CCDC187: variants seen among roughly 807,000 people sequenced by gnomAD.
CCDC187 encodes the protein coiled-coil domain containing 187.
A neutral mutation model predicts 38.0 loss-of-function variants in CCDC187; 32 were observed. The ratio of observed to expected loss-of-function variants is 0.84; its 90% confidence interval spans 0.64 to 1.13. The LOEUF is 1.13. CCDC187 is among the 50% of genes most tolerant of loss of function. The probability of loss-of-function intolerance (pLI) is 0.00; values close to 1 mark genes in which losing one functional copy is unlikely to be tolerated. For missense variants in CCDC187, 707 were observed against 786.8 expected, an observed-to-expected ratio of 0.90 and a Z score of 1.21; for synonymous variants, 333 against 347.9, an observed-to-expected ratio of 0.96 and a Z score of 0.48.
At chr9:136,293,528 C>CACACAA (rs1160780111) in intron 4 of CCDC187, among the ~76,000 whole-genome samples, 1 of 142,570 alleles carries the variant, frequency 7.0e-6, no homozygotes, top group Non-Finnish European at 1.5e-5. Context: ...CTCACATACA[C>CACACAA]GCTTACACAC....
chr9:136,261,792 G>A (rs983604608), intron 19 of CCDC187, among the ~76,000 whole-genome samples: 2 of 152,348 alleles, frequency 1.3e-5, no homozygotes, highest in Admixed American at 6.5e-5. Flanking sequence ...TTTCTGCTTC[G>A]AGGGGTTCTG....
intron 3 of CCDC187, among the ~76,000 whole-genome samples, chr9:136,298,978 G>A (rs1831604374): frequency 6.6e-6 from 1 of 152,158 alleles, no homozygotes; most frequent in East Asian, 1.9e-4. Flanking sequence ...GCGTGAAAAC[G>A]AGGCTGCCAG....
Position 136,252,671 on chromosome 9 carries a change from C to T in CCDC187, c.*923G>A, listed in dbSNP as rs999506046. On this transcript the variant is annotated 3_prime_UTR_variant, in exon 26 of 26. Coordinates refer to ENST00000638797, the MANE Select transcript of CCDC187 (RefSeq NM_001378188.1). ...ACACAGCTCACAATGACATTGTGGA[C>T]GCCTGTGCACCTCTGTAGTTCCAGA... 27 of 155,020 alleles carry T rather than the reference C, an allele frequency of 1.7e-4. No individual in the cohort carries two copies. Among genetic ancestry groups the T allele is most frequent in the Non-Finnish European group, 3.0e-4 (21 of 69,696 alleles). The allele number at this position is 155,020 out of a possible 1,614,324, so 9.6% of individuals were successfully genotyped here. A position where few individuals can be genotyped will look rare whatever the true frequency, so the allele number is the denominator to read the frequency against.
In CCDC187 at chr9:136,276,712, G is replaced by A; in HGVS notation, c.3056C>T (p.Pro1019Leu). The A allele has an allele frequency of 6.6e-6, 1 of 152,288 alleles. No individual in the cohort carries two copies. The highest frequency in any genetic ancestry group is 2.1e-4 in the South Asian group (1 of 4,818). 9.4% of individuals were successfully genotyped at this position (152,288 alleles called of 1,614,324 possible). The change falls in exon 11 of 26, where the codon CCA becomes CTA. Residue 1019 changes from proline (P) to leucine (L), a missense_variant. Coordinates refer to ENST00000638797, the MANE Select transcript of CCDC187 (RefSeq NM_001378188.1). ...GGTGTTGGGAAGGCATCTCACACAT[G>A]GGTCCTCCTGCTGACCTGTGGAACC... ...TPRSCGQQED[P>L]CVRCLPNTQQ...
At chr9:136,262,250 T>C (rs1830688157) in intron 19 of CCDC187, 61 bp downstream of exon 19, 1 of 985,482 alleles carries the variant, frequency 1.0e-6, no homozygotes, top group Admixed American at 6.1e-5. Context: ...AGAAAAGGCT[T>C]CTCAGGGGAA....
chr9:136,295,966 C>G (rs1831524709), intron 4 of CCDC187: 1 of 152,334 alleles, frequency 6.6e-6, no homozygotes, highest in Non-Finnish European at 1.5e-5. Context: ...TGCTCGGCCT[C>G]TGGCCCCGCT....
chr9:136,306,664 T>C (rs959543290), upstream of CCDC187: 1 of 152,448 alleles, frequency 6.6e-6, no homozygotes, highest in African/African-American at 2.4e-5. Context: ...AGGCCGGGCG[T>C]GCCAAGCTGT....
Position 136,251,010 on chromosome 9 carries a change from G to A in CCDC187, c.*2584C>T, listed in dbSNP as rs1032191299. The stretch of plus-strand genomic sequence containing the variant: ...ACCTGGCATCTTAGGGCTTTGCCAC[G>A]CCAGCTTTGTGATGCCTCCCACCAG... On this transcript the variant is annotated 3_prime_UTR_variant, in exon 26 of 26. Coordinates refer to ENST00000638797, the MANE Select transcript of CCDC187 (RefSeq NM_001378188.1). 3.3e-5 allele frequency: 15 copies of A among 456,128 alleles called. No individual in the cohort carries two copies. The highest frequency in any genetic ancestry group is 5.7e-5 in the Non-Finnish European group (13 of 226,914). 28.3% of individuals were successfully genotyped at this position (456,128 alleles called of 1,614,324 possible).
chr9:136,306,523 G>A (rs1459873984), upstream of CCDC187, among the ~76,000 whole-genome samples: 1 of 152,132 alleles, frequency 6.6e-6, no homozygotes, highest in Non-Finnish European at 1.5e-5. Flanking sequence ...CACGCGCCGT[G>A]GCAAATGCTT....
At chr9:136,273,911 A>G (rs1830882246) in intron 14 of CCDC187, among the ~76,000 whole-genome samples, 1 of 152,238 alleles carries the variant, frequency 6.6e-6, no homozygotes, top group South Asian at 2.1e-4. Context: ...GAGGGCTGAA[A>G]TCACCTTGTG....
chr9:136,259,181 C>A (rs1830650823), intron 21 of CCDC187, among the ~76,000 whole-genome samples, 180 bp from the exon 22 acceptor site: 1 of 139,874 alleles, frequency 7.1e-6, no homozygotes, highest in South Asian at 2.2e-4. Flanking sequence ...CTGCAGGAAC[C>A]AAGGACCGGC....
In CCDC187 at chr9:136,291,515, C is replaced by G. The variant is rs927679280; in HGVS notation, c.1098G>C (p.Ala366=). The G allele has an allele frequency of 5.0e-6, 2 of 398,622 alleles. No homozygotes were observed. The highest frequency in any genetic ancestry group is 4.1e-5 in the African/African-American group (2 of 48,640). 24.7% of individuals were successfully genotyped at this position (398,622 alleles called of 1,614,324 possible). The change falls in exon 6 of 26, where the codon GCG becomes GCC. Residue 366 remains alanine, a synonymous_variant. Transcript: ENST00000638797. ...GGATGGCCATGGCCGTCTGTATGGT[C>G]GCTGGCTGGTCGAAGGAAGCCAGGC... ...TPSLASFDQP[A]TIQTAMAILQ...
intron 10 of CCDC187, among the ~76,000 whole-genome samples, chr9:136,279,728 A>G (rs1256545934): frequency 6.6e-6 from 1 of 152,198 alleles, no homozygotes; most frequent in Non-Finnish European, 1.5e-5. Context: ...CTTTCTGGGA[A>G]GAGAAAAGGT....
chr9:136,265,133 C>T (rs1490752088), intron 17 of CCDC187, among the ~76,000 whole-genome samples: 5 of 152,184 alleles, frequency 3.3e-5, no homozygotes, highest in Admixed American at 6.5e-5. Context: ...GCAGGCACAG[C>T]GGCCGCGACC....
At chr9:136,289,922 C>T (rs1028341928) in intron 7 of CCDC187, 37 bp downstream of exon 7, 25 of 396,256 alleles carry the variant, frequency 6.3e-5, no homozygotes, top group Admixed American at 3.5e-4. Context: ...CCCAAGGCCC[C>T]GCCCGGCATG....
rs1554759215 is a variant in CCDC187, at chr9:136,250,747, T to G, written c.*2847A>C. On this transcript the variant is annotated 3_prime_UTR_variant, in exon 26 of 26. Coordinates refer to ENST00000638797, the MANE Select transcript of CCDC187 (RefSeq NM_001378188.1). ...TCAGATGCATGGCCCGAGCTGGGCT[T>G]CCTGTGCACATGGTGAATGGGGACC... 2.2e-6 allele frequency: 1 copy of G among 456,280 alleles called. No homozygotes were observed. The highest frequency in any genetic ancestry group is 1.5e-5 in the South Asian group (1 of 64,568). The allele number at this position is 456,280 out of a possible 1,614,324, so 28.3% of individuals were successfully genotyped here.
intron 10 of CCDC187, among the ~76,000 whole-genome samples, chr9:136,278,358 G>C (rs1830973422): frequency 6.6e-6 from 1 of 152,182 alleles, no homozygotes; most frequent in Non-Finnish European, 1.5e-5. Context: ...CAGATCAGAG[G>C]ACATGGGGGG....
intron 12 of CCDC187, among the ~76,000 whole-genome samples, chr9:136,275,896 G>A (rs920492310): frequency 6.6e-6 from 1 of 152,104 alleles, no homozygotes; most frequent in Non-Finnish European, 1.5e-5. Flanking sequence ...GGGCTCAGGG[G>A]CCTACCAAGC....
At chr9:136,266,701 C>T (rs1396668025) in intron 16 of CCDC187, 1 of 152,228 alleles carries the variant, frequency 6.6e-6, no homozygotes, top group Non-Finnish European at 1.5e-5. Context: ...GAAAGGTTTT[C>T]CTGACATATA....
Sources: allele counts gnomAD v4.1 joint callset (sites outside exome capture counted in the v4.1 genomes callset), GRCh38; gene constraint gnomAD v4.1.1; transcripts MANE v1.5; gene names NCBI Gene and HGNC (gene_info 2026-07-23, HGNC 2026-07-21).